The following CFDP1 variants were observed in gnomAD, a reference collection of about 807,000 sequenced individuals.
The protein encoded by CFDP1 is heterochromatin-stabilizing protein CFDP1.
In CFDP1, 31 loss-of-function variants were observed where a neutral mutation model predicts 40.1. That is an observed-to-expected ratio of 0.77 (90% CI 0.58 to 1.04). The LOEUF (loss-of-function observed/expected upper bound fraction) is 1.04. CFDP1 is among the 50% of genes least tolerant of loss of function. The pLI is 0.00. For synonymous variants in CFDP1, 167 were observed against 120.0 expected (o/e 1.39, Z -2.56); for missense variants, 423 against 343.4 (o/e 1.23, Z -1.83).
intron 4 of CFDP1, among the ~76,000 whole-genome samples, chr16:75,408,170 C>G (rs560939471): frequency 6.6e-6 from 1 of 152,056 alleles, no homozygotes; most frequent in Admixed American, 6.6e-5. Context: ...AGAAAGAACG[C>G]ACGCACAGTA....
intron 5 of CFDP1, among the ~76,000 whole-genome samples, chr16:75,381,808 T>C (rs758422067): frequency 3.3e-5 from 5 of 152,034 alleles, no homozygotes; most frequent in Non-Finnish European, 4.4e-5. Flanking sequence ...AAAGCAGTAC[T>C]GAAAGGACAG....
In CFDP1 at chr16:75,317,672, A is replaced by T. The variant is rs549774759; in HGVS notation, c.651-12490T>A. On this transcript the variant is annotated intron_variant, in intron 5 of 6. Transcript: ENST00000283882. The stretch of plus-strand genomic sequence containing the variant: ...TTAAATACAGCTTCTAACAAAGACC[A>T]TAATGACAACTTTATGCAGAACCCT... Among the ~76,000 whole-genome samples, 11 of 152,366 alleles carry T rather than the reference A, an allele frequency of 7.2e-5. No individual in the cohort carries two copies. In the East Asian group the frequency reaches 2.1e-3, roughly 29 times the overall value.
At chr16:75,373,723 C>A (rs192154097) in intron 5 of CFDP1, among the ~76,000 whole-genome samples, 1 of 152,080 alleles carries the variant, frequency 6.6e-6, no homozygotes, top group African/African-American at 2.4e-5. Context: ...AAACTCCTGG[C>A]TACAAGACTG....
rs1166120407 is a variant in CFDP1 at position 75,305,092 on chromosome 16, G to A, written c.741C>T (p.Asp247=). Residue 247 remains aspartate (D), a synonymous_variant, in exon 6 of 7, where the codon GAC becomes GAT. Transcript: ENST00000283882. Reference sequence around the variant, plus strand: ...CCTCTTCCTCCTTGAAGCTCTCCCAGTCCAGTTTGGACTTCTCAAGGGTGC... The same window carrying A: ...CCTCTTCCTCCTTGAAGCTCTCCCAATCCAGTTTGGACTTCTCAAGGGTGC... ...KMSTLEKSKL[D]WESFKEEEGI... 1 of 1,614,126 alleles carries A rather than the reference G, an allele frequency of 6.2e-7. No individual in the cohort carries two copies. Among genetic ancestry groups the A allele is most frequent in the Non-Finnish European group, 8.5e-7 (1 of 1,180,026 alleles).
At position 75,349,990 on chromosome 16, in the gene CFDP1, G is replaced by A. The variant is rs980879043; in HGVS notation, c.651-44808C>T. Among the ~76,000 whole-genome samples, 3 of 152,028 alleles carry A rather than the reference G, an allele frequency of 2.0e-5. No homozygotes were observed. In the East Asian group the frequency reaches 5.8e-4, roughly 29 times the overall value. On this transcript the variant is annotated intron_variant, in intron 5 of 6. Transcript: ENST00000283882. The stretch of plus-strand genomic sequence containing the variant: ...AGGAGAAAAGCATTCGGTTTTTCAT[G>A]ATTAAGTATGACATTAGTGGTGGGT...
intron 4 of CFDP1, 142 bp downstream of exon 4, chr16:75,411,683 A>G: frequency 1.3e-6 from 1 of 799,794 alleles, no homozygotes; most frequent in East Asian, 2.7e-5. Context: ...GGTAATTTAT[A>G]GAGCCAGTTT....
chr16:75,306,482 C>CT (rs1274405254), intron 5 of CFDP1: 1 of 152,190 alleles, frequency 6.6e-6, no homozygotes, highest in East Asian at 1.9e-4. Context: ...ATTCTATTAA[C>CT]TTTAGTAGAG....
chr16:75,340,795 T>G lies in CFDP1; in HGVS notation c.651-35613A>C, dbSNP rs561447229. On this transcript the variant is annotated intron_variant, in intron 5 of 6. Transcript: ENST00000283882. The stretch of plus-strand genomic sequence containing the variant: ...ACTTATAAATGAGAGGAATGTTGTT[T>G]CAGCTCTACAGAAAGCTTTTAAGGA... Among the ~76,000 whole-genome samples the G allele has an allele frequency of 2.6e-5, 4 of 152,350 alleles. 1 individual carries two copies. In the South Asian group the frequency reaches 8.3e-4, roughly 32 times the overall value.
intron 4 of CFDP1, among the ~76,000 whole-genome samples, chr16:75,410,953 T>C (rs1182559888): frequency 6.8e-6 from 1 of 146,332 alleles, no homozygotes; most frequent in Non-Finnish European, 1.5e-5. Context: ...GAGTGGCAGC[T>C]CATGCCTGTA....
intron 6 of CFDP1, among the ~76,000 whole-genome samples, chr16:75,302,607 A>G (rs938804106): frequency 2.0e-5 from 3 of 152,250 alleles, no homozygotes; most frequent in African/African-American, 7.2e-5. Flanking sequence ...TGTCCAACTC[A>G]TATAATCAAT....
intron 1 of CFDP1, among the ~76,000 whole-genome samples, chr16:75,424,615 G>A (rs1260213284): frequency 3.3e-5 from 5 of 152,078 alleles, no homozygotes; most frequent in Non-Finnish European, 5.9e-5. Context: ...CTTAGCGGGC[G>A]TGGTGGCGGG....
intron 5 of CFDP1, among the ~76,000 whole-genome samples, chr16:75,363,205 CA>C (rs1199844117): frequency 2.0e-5 from 3 of 149,172 alleles, no homozygotes; most frequent in African/African-American, 7.4e-5. Flanking sequence ...AAAAATGTAA[CA>C]ACCAAAGAAT....
intron 5 of CFDP1, among the ~76,000 whole-genome samples, chr16:75,309,750 G>A (rs2078281632): frequency 6.7e-6 from 1 of 148,398 alleles, no homozygotes; most frequent in Non-Finnish European, 1.5e-5. Context: ...AACCCAGGAG[G>A]CGGAGCTTGC....
rs185084280 is a variant in CFDP1 at position 75,369,200 on chromosome 16, T to C, written c.650+25890A>G. On this transcript the variant is annotated intron_variant, in intron 5 of 6. Coordinates refer to ENST00000283882, the MANE Select transcript of CFDP1 (RefSeq NM_006324.3). ...TTTTTGAACGTAAATAAGACTGATT[T>C]CGTCAGGCATAGGAGAAATTATTTT... Among the ~76,000 whole-genome samples, 12 of 152,250 alleles carry C rather than the reference T, an allele frequency of 7.9e-5. No individual in the cohort carries two copies. The East Asian group carries it at 2.1e-3, about 27-fold the overall frequency.
rs372134976 is a variant in CFDP1 at position 75,374,150 on chromosome 16, G to A, written c.650+20940C>T. Among the ~76,000 whole-genome samples the A allele has an allele frequency of 3.9e-5, 6 of 152,162 alleles. No individual in the cohort carries two copies. The South Asian group carries it at 1.2e-3, about 32-fold the overall frequency. ...TGCCTATAGTCCCAGCTACTTGGGA[G>A]GCTGAGACATGAGAATCACTTGAAC... On this transcript the variant is annotated intron_variant, in intron 5 of 6. Transcript: ENST00000283882.
At position 75,343,754 on chromosome 16, in the gene CFDP1, C is replaced by T. The variant is rs567774384; in HGVS notation, c.651-38572G>A. Among the ~76,000 whole-genome samples the T allele has an allele frequency of 9.7e-4, 148 of 152,288 alleles. 1 individual carries two copies. The highest frequency in any genetic ancestry group is 9.8e-4 in the Non-Finnish European group (67 of 68,022). ...TAGCACTGACTAGCCCTAGTCATAC[C>T]ACTCACAGTAACTCAGTTAATCAAT... On this transcript the variant is annotated intron_variant, in intron 5 of 6. Transcript: ENST00000283882.
intron 5 of CFDP1, among the ~76,000 whole-genome samples, chr16:75,335,757 C>T (rs1363583750): frequency 1.3e-5 from 2 of 151,962 alleles, no homozygotes; most frequent in South Asian, 2.1e-4. Context: ...GGGGTTTCAC[C>T]GTGTTAGCCA....
At chr16:75,394,718 C>A (rs1461348816) in intron 5 of CFDP1, 2 of 131,380 alleles carry the variant, frequency 1.5e-5, no homozygotes, top group African/African-American at 5.7e-5. Flanking sequence ...GGCTGGAGTG[C>A]AGTGGCACAA....
At chr16:75,425,220 G>T (rs2079324412) in intron 1 of CFDP1, among the ~76,000 whole-genome samples, 1 of 151,904 alleles carries the variant, frequency 6.6e-6, no homozygotes, top group Admixed American at 6.6e-5. Context: ...TGAACAAAGT[G>T]ATTTTACAAT....
Sources: gnomAD v4.1 joint callset for allele counts (sites outside exome capture counted in the v4.1 genomes callset) on GRCh38, gnomAD v4.1.1 for gene constraint, MANE v1.5 for transcripts, NCBI Gene and HGNC (gene_info 2026-07-23, HGNC 2026-07-21) for gene names.